SYT1: variants seen among roughly 807,000 people sequenced by gnomAD.
The protein encoded by SYT1 is synaptotagmin-1.
In SYT1, 8 loss-of-function variants were observed where a neutral mutation model predicts 44.8. The observed-to-expected ratio is 0.18, with a 90% CI of 0.10 to 0.32. SYT1 has a LOEUF of 0.32. SYT1 is among the 10% of genes least tolerant of loss of function. The pLI, the probability that SYT1 is intolerant of heterozygous loss-of-function variation, is 1.00. For synonymous variants in SYT1, 154 were observed against 188.8 expected, an observed-to-expected ratio of 0.82 and a Z score of 1.51; for missense variants, 286 against 509.3, an observed-to-expected ratio of 0.56 and a Z score of 4.22.
intron 3 of SYT1, among the ~76,000 whole-genome samples, chr12:79,053,468 T>C (rs925643510): frequency 6.6e-6 from 1 of 151,722 alleles, no homozygotes; most frequent in Non-Finnish European, 1.5e-5. Context: ...GTAACAAACC[T>C]GCACATTGTG....
intron 1 of SYT1, among the ~76,000 whole-genome samples, chr12:78,973,939 ATATATATATAT>A (rs1438454325): frequency 1.5e-3 from 17 of 11,384 alleles, no homozygotes; most frequent in East Asian, 7.9e-3. Context: ...AAAAAAAAAA[ATATATATATAT>A]ATATATATAT....
intron 9 of SYT1, among the ~76,000 whole-genome samples, chr12:79,404,191 T>C (rs1340445166): frequency 6.6e-6 from 1 of 152,180 alleles, no homozygotes; most frequent in Non-Finnish European, 1.5e-5. Context: ...CAGAGCAGTC[T>C]AATTGCTGTC....
At chr12:79,059,842 TCCTGTGAAGTGCATTTTC>T in intron 3 of SYT1, among the ~76,000 whole-genome samples, 1 of 152,212 alleles carries the variant, frequency 6.6e-6, no homozygotes, top group Admixed American at 6.6e-5. Flanking sequence ...GTCATTTCAT[TCCTGTGAAGTGCATTTTC>T]ATATCTATAT....
At chr12:79,229,087 C>T (rs113713021) in intron 4 of SYT1, among the ~76,000 whole-genome samples, 6 of 152,324 alleles carry the variant, frequency 3.9e-5, no homozygotes, top group African/African-American at 1.4e-4. Context: ...TCGTATCCCC[C>T]ACATCTTGAA....
At chr12:78,973,586 T>C (rs1239380871) in intron 1 of SYT1, among the ~76,000 whole-genome samples, 1 of 152,066 alleles carries the variant, frequency 6.6e-6, no homozygotes, top group Non-Finnish European at 1.5e-5. Context: ...CAGTAGCCAA[T>C]GTATGGAATC....
intron 4 of SYT1, among the ~76,000 whole-genome samples, chr12:79,224,223 T>A (rs1186418067): frequency 6.6e-6 from 1 of 152,202 alleles, no homozygotes; most frequent in Non-Finnish European, 1.5e-5. Flanking sequence ...TCTTCAAGTA[T>A]GAATACTTAC....
intron 8 of SYT1, among the ~76,000 whole-genome samples, chr12:79,344,228 T>A (rs1276761227): frequency 6.6e-6 from 1 of 152,210 alleles, no homozygotes; most frequent in Non-Finnish European, 1.5e-5. Context: ...CCCCACCTAC[T>A]TTACATGTTT....
At chr12:79,188,554 A>C (rs1481725487) in intron 3 of SYT1, among the ~76,000 whole-genome samples, 1 of 152,056 alleles carries the variant, frequency 6.6e-6, no homozygotes, top group African/African-American at 2.4e-5. Context: ...ATGTGTTTTC[A>C]CAACTTTTTT....
At chr12:79,014,310 T>C (rs932558869) in intron 2 of SYT1, among the ~76,000 whole-genome samples, 17 of 152,144 alleles carry the variant, frequency 1.1e-4, no homozygotes, top group Non-Finnish European at 2.5e-4. Flanking sequence ...TGATTCCCAG[T>C]CTTTTCAAAT....
At chr12:79,150,337 A>C (rs1870193114) in intron 3 of SYT1, among the ~76,000 whole-genome samples, 1 of 152,202 alleles carries the variant, frequency 6.6e-6, no homozygotes, top group Admixed American at 6.5e-5. Flanking sequence ...TTCTAAGTAA[A>C]ATAAGCAGGC....
At chr12:79,134,625 T>C (rs1869063286) in intron 3 of SYT1, among the ~76,000 whole-genome samples, 3 of 152,200 alleles carry the variant, frequency 2.0e-5, no homozygotes, top group Admixed American at 2.0e-4. Context: ...AATATTTATG[T>C]CTGTCTCATC....
At chr12:79,100,477 G>A (rs201169366) in intron 3 of SYT1, among the ~76,000 whole-genome samples, 3 of 151,904 alleles carry the variant, frequency 2.0e-5, no homozygotes, top group Non-Finnish European at 4.4e-5. Flanking sequence ...GGAGAGGAAG[G>A]AAAAGAAGGA....
chr12:79,413,927 CAG>C lies in SYT1; in HGVS notation c.929-30145_929-30144del, dbSNP rs560828481. On this transcript the variant is annotated intron_variant, in intron 9 of 10. Transcript: ENST00000261205. ...ACTCTCTTTTCCTCTATAAGCCTAA[CAG>C]TTCTTTTCCATATATGTAAGGAAGG... Among the ~76,000 whole-genome samples the C allele has an allele frequency of 9.9e-5, 15 of 152,252 alleles. No individual in the cohort carries two copies. In the South Asian group the frequency reaches 3.1e-3, roughly 32 times the overall value.
At chr12:79,330,249 T>C (rs1480452429) in intron 8 of SYT1, among the ~76,000 whole-genome samples, 1 of 152,180 alleles carries the variant, frequency 6.6e-6, no homozygotes, top group African/African-American at 2.4e-5. Context: ...CAGGAAGACA[T>C]GAAAGCAATT....
intron 1 of SYT1, among the ~76,000 whole-genome samples, chr12:78,947,981 T>G (rs1878761420): frequency 6.6e-6 from 1 of 151,914 alleles, no homozygotes; most frequent in African/African-American, 2.4e-5. Context: ...TTCAAGTTCA[T>G]TTTTTAGAAC....
At chr12:79,327,882 A>G (rs761221972) in intron 8 of SYT1, among the ~76,000 whole-genome samples, 2 of 152,100 alleles carry the variant, frequency 1.3e-5, no homozygotes, top group Non-Finnish European at 2.9e-5. Flanking sequence ...GTAAAGAACA[A>G]GATGTCCAGA....
chr12:79,302,895 T>A (rs1024999146), intron 8 of SYT1, among the ~76,000 whole-genome samples: 4 of 152,190 alleles, frequency 2.6e-5, no homozygotes, highest in African/African-American at 9.7e-5. Flanking sequence ...ATCCTCTGAG[T>A]TCCTAGAGAT....
At chr12:78,912,925 A>G (rs1876426099) in intron 1 of SYT1, among the ~76,000 whole-genome samples, 1 of 151,918 alleles carries the variant, frequency 6.6e-6, no homozygotes, top group African/African-American at 2.4e-5. Flanking sequence ...AATATGTTAC[A>G]CATCTATTAG....
chr12:78,928,291 T>C (rs1877416444), intron 1 of SYT1, among the ~76,000 whole-genome samples: 1 of 152,142 alleles, frequency 6.6e-6, no homozygotes, highest in Non-Finnish European at 1.5e-5. Flanking sequence ...CTGTTCATCT[T>C]CCACCTACAA....
Sources: allele counts gnomAD v4.1 joint callset (sites outside exome capture counted in the v4.1 genomes callset), GRCh38; gene constraint gnomAD v4.1.1; transcripts MANE v1.5; gene names NCBI Gene and HGNC (gene_info 2026-07-23, HGNC 2026-07-21).